SERINC5: variants seen among roughly 807,000 people sequenced by gnomAD.
SERINC5 encodes the protein chromosome 5 open reading frame 12.
A neutral mutation model predicts 63.1 loss-of-function variants in SERINC5; 41 were observed. The observed-to-expected ratio is 0.65, with a 90% CI of 0.51 to 0.84. The LOEUF (loss-of-function observed/expected upper bound fraction) is 0.84. Ranked by LOEUF, SERINC5 falls within the 40% of genes least tolerant of loss-of-function variation. SERINC5 has a pLI of 0.00. For missense variants in SERINC5, 523 were observed against 573.0 expected (o/e 0.91, Z 0.89); for synonymous variants, 222 against 215.2 (o/e 1.03, Z -0.28).
At chr5:80,209,434 C>T (rs1355867862) in intron 1 of SERINC5, among the ~76,000 whole-genome samples, 1 of 152,218 alleles carries the variant, frequency 6.6e-6, no homozygotes, top group Non-Finnish European at 1.5e-5. Flanking sequence ...ACCCTGCACA[C>T]ACCTTGCTCT....
At chr5:80,210,928 GATTCTTA>G (rs1476498340) in intron 1 of SERINC5, among the ~76,000 whole-genome samples, 1 of 152,188 alleles carries the variant, frequency 6.6e-6, no homozygotes, top group African/African-American at 2.4e-5. Context: ...TGCTGAGGAG[GATTCTTA>G]AGGCTGAATG....
In SERINC5 at chr5:80,203,068, G is replaced by T. The variant is rs2112491285; in HGVS notation, c.28-15C>A. On this transcript the variant is annotated splice_polypyrimidine_tract_variant and intron_variant, in intron 1 of 11. Transcript: ENST00000507668. ...CAGCAGGCCAGCTAGAAAAGGAACAGAAGGCATCTGCTTAGAGCATGATAC... is the reference window on the plus strand; with the variant it reads ...CAGCAGGCCAGCTAGAAAAGGAACATAAGGCATCTGCTTAGAGCATGATAC... 4 of 1,590,584 alleles carry T rather than the reference G, an allele frequency of 2.5e-6. No homozygotes were observed. Among genetic ancestry groups the T allele is most frequent in the Non-Finnish European group, 3.4e-6 (4 of 1,167,774 alleles).
At chr5:80,191,528 G>A (rs1273506922) in intron 2 of SERINC5, among the ~76,000 whole-genome samples, 5 of 145,854 alleles carry the variant, frequency 3.4e-5, no homozygotes, top group Middle Eastern at 3.5e-3. Flanking sequence ...GCCAGGCATC[G>A]TGGTGCACAT....
chr5:80,122,511 T>C (rs745615462), intron 11 of SERINC5, among the ~76,000 whole-genome samples: 56 of 152,220 alleles, frequency 3.7e-4, no homozygotes, highest in Middle Eastern at 3.4e-3. Flanking sequence ...CCAAGATCAA[T>C]CCTTTCAATC....
At chr5:80,203,472 G>T (rs1034116884) in intron 1 of SERINC5, among the ~76,000 whole-genome samples, 5 of 151,632 alleles carry the variant, frequency 3.3e-5, no homozygotes, top group African/African-American at 1.2e-4. Context: ...AGGAGTTTGA[G>T]ATCAGCCTGG....
chr5:80,154,571 T>C (rs573463811), intron 8 of SERINC5, among the ~76,000 whole-genome samples: 1 of 152,204 alleles, frequency 6.6e-6, no homozygotes, highest in Non-Finnish European at 1.5e-5. Flanking sequence ...CCCCCTCTCC[T>C]GGTGGGGAAG....
Position 80,140,156 on chromosome 5 carries a change from CA to C in SERINC5, c.*3506del. 1.4e-6 allele frequency: 1 copy of C among 737,200 alleles called. No individual in the cohort carries two copies. The highest frequency in any genetic ancestry group is 1.7e-6 in the Non-Finnish European group (1 of 604,112). The allele number at this position is 737,200 out of a possible 1,614,324, so 45.7% of individuals were successfully genotyped here. A position where few individuals can be genotyped will look rare whatever the true frequency, so the allele number is the denominator to read the frequency against. On this transcript the variant is annotated 3_prime_UTR_variant, in exon 12 of 12. Coordinates refer to ENST00000507668, the MANE Select transcript of SERINC5 (RefSeq NM_001174072.3). ...ACCAGCCTGGACAACCCCATCTCTA[CA>C]AAAAAATAAAAATCGGCCAGGTGTG... is the stretch of plus-strand genomic sequence containing the variant.
chr5:80,181,057 C>A (rs1748383899), intron 2 of SERINC5, among the ~76,000 whole-genome samples: 1 of 152,152 alleles, frequency 6.6e-6, no homozygotes, highest in Non-Finnish European at 1.5e-5. Flanking sequence ...AGGGGTGTGG[C>A]TAATGCATAG....
At chr5:80,232,210 C>G (rs574723587) in intron 1 of SERINC5, among the ~76,000 whole-genome samples, 23 of 150,674 alleles carry the variant, frequency 1.5e-4, no homozygotes, top group East Asian at 1.4e-3. Context: ...CAAGACCATC[C>G]TGGCTAACAC....
intron 2 of SERINC5, among the ~76,000 whole-genome samples, chr5:80,200,988 A>G (rs1370137406): frequency 6.6e-6 from 1 of 151,592 alleles, no homozygotes; most frequent in Non-Finnish European, 1.5e-5. Context: ...AATCCCAACT[A>G]CTCGGGAGGC....
intron 8 of SERINC5, among the ~76,000 whole-genome samples, chr5:80,152,021 C>G (rs1196147243): frequency 6.6e-6 from 1 of 152,216 alleles, no homozygotes; most frequent in East Asian, 1.9e-4. Flanking sequence ...CACTGAGATC[C>G]AAGTTCACTG....
At chr5:80,192,138 T>C (rs1023418752) in intron 2 of SERINC5, among the ~76,000 whole-genome samples, 1 of 152,236 alleles carries the variant, frequency 6.6e-6, no homozygotes, top group Admixed American at 6.5e-5. Context: ...CAGTGTGTAC[T>C]AGCTGGCTCT....
chr5:80,167,136 G>C (rs1747351682), intron 6 of SERINC5: 1 of 152,120 alleles, frequency 6.6e-6, no homozygotes, highest in Non-Finnish European at 1.5e-5. Context: ...TGTTGTAAGG[G>C]GAAAATTGCC....
chr5:80,177,480 G>A, intron 3 of SERINC5, 83 bp from the exon 4 acceptor site: 3 of 1,064,556 alleles, frequency 2.8e-6, no homozygotes, highest in Non-Finnish European at 2.8e-6. Context: ...GGTACAGCAT[G>A]TCAATCCATG....
chr5:80,234,050 T>C (rs1389069669), intron 1 of SERINC5, among the ~76,000 whole-genome samples: 1 of 152,096 alleles, frequency 6.6e-6, no homozygotes, highest in Non-Finnish European at 1.5e-5. Context: ...GAACTCGTGA[T>C]CCGTCCGTCT....
At chr5:80,186,072 C>T (rs1190188203) in intron 2 of SERINC5, among the ~76,000 whole-genome samples, 1 of 131,150 alleles carries the variant, frequency 7.6e-6, no homozygotes, top group Non-Finnish European at 1.6e-5. Context: ...ATGCTCTATT[C>T]ACTTTACCAA....
intron 1 of SERINC5, among the ~76,000 whole-genome samples, chr5:80,254,381 G>GA (rs1752555074): frequency 6.6e-6 from 1 of 152,218 alleles, no homozygotes; most frequent in African/African-American, 2.4e-5. Flanking sequence ...CCTAAGAGGG[G>GA]AGACTTTAGA....
intron 1 of SERINC5, among the ~76,000 whole-genome samples, chr5:80,237,209 TCA>T (rs1473266991): frequency 6.6e-6 from 1 of 152,236 alleles, no homozygotes; most frequent in Non-Finnish European, 1.5e-5. Flanking sequence ...GGCAGTGTTT[TCA>T]CAAAGACTGG....
chr5:80,139,297 A>G lies in SERINC5; in HGVS notation c.*4366T>C, dbSNP rs1018244821. On this transcript the variant is annotated 3_prime_UTR_variant, in exon 12 of 12. Coordinates refer to ENST00000507668, the MANE Select transcript of SERINC5 (RefSeq NM_001174072.3). ...AACAATCCTCTTAAATTTCTTATAA[A>G]TAGCTCTCCAGACATATATTACAAA... is the stretch of plus-strand genomic sequence containing the variant. The G allele has an allele frequency of 1.0e-6, 1 of 978,906 alleles. No homozygotes were observed. The highest frequency in any genetic ancestry group is 1.8e-5 in the African/African-American group (1 of 57,092). The allele number at this position is 978,906 out of a possible 1,614,324, so 60.6% of individuals were successfully genotyped here. A position where few individuals can be genotyped will look rare whatever the true frequency, so the allele number is the denominator to read the frequency against.
Sources: allele counts gnomAD v4.1 joint callset (sites outside exome capture counted in the v4.1 genomes callset), GRCh38; gene constraint gnomAD v4.1.1; transcripts MANE v1.5; gene names NCBI Gene and HGNC (gene_info 2026-07-23, HGNC 2026-07-21).